Variants in RANBP10 observed in about 807,000 individuals in gnomAD.
The protein encoded by RANBP10 is RAN binding protein 10.
RANBP10 carries 24 observed loss-of-function variants against 72.8 expected under a neutral mutation model. The ratio of observed to expected loss-of-function variants is 0.33; its 90% CI spans 0.24 to 0.46. The LOEUF is 0.46. Among genes scored for constraint, RANBP10 ranks in the 20% least tolerant of loss-of-function variants. The pLI, the probability that RANBP10 is intolerant of heterozygous loss-of-function variation, is 1.00. For missense variants in RANBP10, 679 were observed against 817.5 expected (o/e 0.83, Z 2.07); for synonymous variants, 310 against 322.3 (o/e 0.96, Z 0.41).
rs958381248 is a variant in RANBP10, at chr16:67,730,002, C to T, written c.934G>A (p.Glu312Lys). 6.2e-6 allele frequency: 10 copies of T among 1,613,302 alleles called. No homozygotes were observed. The highest frequency in any genetic ancestry group is 2.7e-5 in the African/African-American group (2 of 74,914). ...CCTGGGTAGAAGCGCTGGGTGGTCT[C>T]GATGGCCTCGCCCACACGGCCCTCC... ...VLEGRVGEAI[E>K]TTQRFYPGLL... The change falls in exon 8 of 14, where the codon GAG (glutamate) becomes AAG (lysine). Residue 312 changes from glutamate (E) to lysine (K), a missense_variant. Glu to Lys is a moderately conservative substitution (Grantham distance 56). Coordinates refer to ENST00000317506, the MANE Select transcript of RANBP10 (RefSeq NM_020850.3). The surrounding 1 kb of genome is among the most constrained non-coding windows in gnomAD (Gnocchi z 4.3).
chr16:67,743,947 C>T (rs2054017636), intron 4 of RANBP10, among the ~76,000 whole-genome samples: 1 of 152,212 alleles, frequency 6.6e-6, no homozygotes, highest in Admixed American at 6.5e-5. Flanking sequence ...AGGTCACAGG[C>T]ACGCAAACCA....
Position 67,793,656 on chromosome 16 carries a change from A to G in RANBP10, c.347+11772T>C, listed in dbSNP as rs142178329. Among the ~76,000 whole-genome samples, 531 of 152,162 alleles carry G rather than the reference A, an allele frequency of 3.5e-3. 1 individual carries two copies. Among genetic ancestry groups the G allele is most frequent in the Non-Finnish European group, 5.9e-3 (400 of 67,994 alleles). ...TGCCATCTTATTTTCAATCGGAGAC[A>G]TTATTTAAGTAGCCTAGTCCACCAC... On this transcript the variant is annotated intron_variant, in intron 2 of 13. Transcript: ENST00000317506.
Position 67,729,148 on chromosome 16 carries a change from A to G in RANBP10, c.1352+132T>C. 6.7e-7 allele frequency: 1 copy of G among 1,488,758 alleles called. No homozygotes were observed. The highest frequency in any genetic ancestry group is 9.0e-7 in the Non-Finnish European group (1 of 1,112,956). 92.2% of individuals were successfully genotyped at this position (1,488,758 alleles called of 1,614,324 possible). ...AGCTGATGTCTGGCCCGGTGGGCCA[A>G]AAATTAGGACTCCAGGCACAGACCT... On this transcript the variant is annotated intron_variant, in intron 10 of 13. Transcript: ENST00000317506. The surrounding 1 kb of genome is among the most constrained non-coding windows in gnomAD (Gnocchi z 7.1).
At chr16:67,765,388 T>C (rs1465454745) in intron 3 of RANBP10, among the ~76,000 whole-genome samples, 3 of 151,528 alleles carry the variant, frequency 2.0e-5, no homozygotes, top group African/African-American at 7.3e-5. Flanking sequence ...TAGCTGGGCG[T>C]GGTGGTGCGT....
In RANBP10 at chr16:67,724,570, T is replaced by C. The variant is rs1381894645; in HGVS notation, c.*1858A>G. 1 of 152,248 alleles carries C rather than the reference T, an allele frequency of 6.6e-6. No homozygotes were observed. The highest frequency in any genetic ancestry group is 6.5e-5 in the Admixed American group (1 of 15,284). 9.4% of individuals were successfully genotyped at this position (152,248 alleles called of 1,614,324 possible). ...AGACAGGACGCCTCCTAACAGGCCATGGTCTATGGGTCTGCCAGCCCCAAG... is the reference window on the plus strand; with the variant it reads ...AGACAGGACGCCTCCTAACAGGCCACGGTCTATGGGTCTGCCAGCCCCAAG... On this transcript the variant is annotated 3_prime_UTR_variant, in exon 14 of 14. Coordinates refer to ENST00000317506, the MANE Select transcript of RANBP10 (RefSeq NM_020850.3).
intron 2 of RANBP10, among the ~76,000 whole-genome samples, chr16:67,785,854 G>A (rs1425004804): frequency 1.3e-5 from 2 of 151,248 alleles, no homozygotes; most frequent in African/African-American, 4.9e-5. Context: ...GTGAAACCCC[G>A]TCTCTACTAA....
At chr16:67,759,551 G>A (rs543665560) in intron 3 of RANBP10, 1 of 152,436 alleles carries the variant, frequency 6.6e-6, no homozygotes, top group East Asian at 1.9e-4. Context: ...GAAGCATAGT[G>A]GGCCCTGATG....
Position 67,781,866 on chromosome 16 carries a change from C to T in RANBP10, c.348-9780G>A, listed in dbSNP as rs539974783. On this transcript the variant is annotated intron_variant, in intron 2 of 13. Transcript: ENST00000317506. The stretch of plus-strand genomic sequence containing the variant: ...CAAGATAGAGAAGAAGCAACCGCAC[C>T]TGGAAGCAGGCAGCAAAGGCCCACA... Among the ~76,000 whole-genome samples the T allele has an allele frequency of 2.6e-5, 4 of 152,304 alleles. No individual in the cohort carries two copies. The South Asian group carries it at 8.3e-4, about 32-fold the overall frequency.
Position 67,730,494 on chromosome 16 carries a change from C to G in RANBP10, c.890-448G>C, listed in dbSNP as rs2053706280. On this transcript the variant is annotated intron_variant, in intron 7 of 13. Coordinates refer to ENST00000317506, the MANE Select transcript of RANBP10 (RefSeq NM_020850.3). This position sits in a 1 kb window ranked among gnomAD's most constrained non-coding sequence, Gnocchi z 4.3. ...CAATGGAATCACACTGGTTTCTGAC[C>G]AGGGCTCTGGCTGGTGGTCTTCAGG... Among the ~76,000 whole-genome samples the G allele has an allele frequency of 1.3e-5, 2 of 152,184 alleles. No individual in the cohort carries two copies. Among genetic ancestry groups the G allele is most frequent in the African/African-American group, 4.8e-5 (2 of 41,456 alleles).
chr16:67,778,117 A>C (rs932810268), intron 2 of RANBP10, among the ~76,000 whole-genome samples: 2 of 152,246 alleles, frequency 1.3e-5, no homozygotes, highest in Non-Finnish European at 2.9e-5. Flanking sequence ...CAGGAGGCCA[A>C]AGTGGGTGGA....
intron 5 of RANBP10, among the ~76,000 whole-genome samples, chr16:67,737,701 C>A (rs941129247): frequency 1.3e-5 from 2 of 151,960 alleles, no homozygotes; most frequent in Non-Finnish European, 2.9e-5. Context: ...TGACACACAG[C>A]TGGTTTAGAC....
chr16:67,794,452 C>T (rs1373818718), intron 2 of RANBP10, among the ~76,000 whole-genome samples: 1 of 151,528 alleles, frequency 6.6e-6, no homozygotes, highest in Admixed American at 6.6e-5. Flanking sequence ...AAAAAACGAG[C>T]CACCACACCC....
At chr16:67,777,206 G>A (rs1011543949) in intron 2 of RANBP10, among the ~76,000 whole-genome samples, 18 of 148,216 alleles carry the variant, frequency 1.2e-4, no homozygotes, top group Admixed American at 1.1e-3. Context: ...GCGAAACTCC[G>A]TCCCCCACCC....
intron 6 of RANBP10, among the ~76,000 whole-genome samples, chr16:67,732,704 G>T (rs569081070): frequency 5.3e-5 from 8 of 152,144 alleles, no homozygotes; most frequent in Non-Finnish European, 1.5e-5. Context: ...GATCACTTGA[G>T]GCCAGGAGTT....
At chr16:67,742,372 G>T (rs990967911) in intron 4 of RANBP10, among the ~76,000 whole-genome samples, 1 of 152,108 alleles carries the variant, frequency 6.6e-6, no homozygotes, top group African/African-American at 2.4e-5. Context: ...ACTGAAAAGG[G>T]TATCAAATAT....
intron 2 of RANBP10, among the ~76,000 whole-genome samples, chr16:67,777,650 T>C (rs1188724064): frequency 1.3e-5 from 2 of 152,196 alleles, no homozygotes. Flanking sequence ...AGACATCCTC[T>C]GTTCACTGAT....
intron 2 of RANBP10, among the ~76,000 whole-genome samples, chr16:67,795,584 T>C (rs1370243949): frequency 6.6e-6 from 1 of 151,364 alleles, no homozygotes; most frequent in African/African-American, 2.4e-5. Flanking sequence ...ATAAAGGTTT[T>C]CGGCCGGGCG....
chr16:67,727,965 C>A, intron 11 of RANBP10, 69 bp from the exon 12 acceptor site: 2 of 1,554,634 alleles, frequency 1.3e-6, no homozygotes. Flanking sequence ...TAGGGTGGGG[C>A]AGGAAGGACC....
At chr16:67,749,500 G>C (rs958091615) in intron 3 of RANBP10, among the ~76,000 whole-genome samples, 1 of 152,286 alleles carries the variant, frequency 6.6e-6, no homozygotes, top group Admixed American at 6.5e-5. Context: ...CCTGGATCCA[G>C]GCTCTATTCT....
Sources: gnomAD v4.1 joint callset for allele counts (sites outside exome capture counted in the v4.1 genomes callset) on GRCh38, gnomAD v4.1.1 for gene constraint, Gnocchi (gnomAD v3.1) non-coding constraint, MANE v1.5 for transcripts, NCBI Gene and HGNC (gene_info 2026-07-23, HGNC 2026-07-21) for gene names.